Variants in WASHC2C observed in about 807,000 individuals in gnomAD.
WASHC2C encodes Vaccinia Penetration Factor.
WASHC2C carries 73 observed loss-of-function variants against 142.2 expected under a neutral mutation model. That is an observed-to-expected ratio of 0.51 (90% CI 0.43 to 0.62). WASHC2C has a LOEUF of 0.62. Among genes scored for constraint, WASHC2C ranks in the 20% least tolerant of loss-of-function variants. The probability of loss-of-function intolerance (pLI) is 0.00; values close to 1 mark genes in which losing one functional copy is unlikely to be tolerated. For missense variants in WASHC2C, 969 were observed against 1,531.7 expected (o/e 0.63, Z 6.13); for synonymous variants, 337 against 565.5 (o/e 0.60, Z 5.73).
At chr10:45,757,782 C>T (rs1412302199) in intron 16 of WASHC2C, among the ~76,000 whole-genome samples, 4 of 152,322 alleles carry the variant, frequency 2.6e-5, no homozygotes, top group South Asian at 4.1e-4. Context: ...TTCACAATAG[C>T]GTTTGCCTTC....
intron 3 of WASHC2C, among the ~76,000 whole-genome samples, chr10:45,731,668 C>T (rs140932956): frequency 0.049 from 7,481 of 151,768 alleles, 245 homozygotes; most frequent in African/African-American, 0.09. Context: ...CCAGACCTTC[C>T]ATAAGGCCAC....
At chr10:45,785,734 A>G in intron 26 of WASHC2C, 103 bp downstream of exon 26, 1 of 1,601,400 alleles carries the variant, frequency 6.2e-7, no homozygotes, top group Non-Finnish European at 8.5e-7. Flanking sequence ...TGCATTAAGG[A>G]GGAAACAGCA....
At chr10:45,728,501 G>T (rs1206438887) in intron 2 of WASHC2C, among the ~76,000 whole-genome samples, 1 of 152,002 alleles carries the variant, frequency 6.6e-6, no homozygotes, top group Non-Finnish European at 1.5e-5. Context: ...CACTTTGGGA[G>T]GCCGAGGTGG....
chr10:45,768,792 G>C (rs1204668190), intron 19 of WASHC2C, among the ~76,000 whole-genome samples: 5 of 151,896 alleles, frequency 3.3e-5, no homozygotes, highest in Admixed American at 3.3e-4. Context: ...GGAAGTTCTT[G>C]AGTTCTTGGT....
At chr10:45,759,753 A>C (rs1381266936) in intron 17 of WASHC2C, among the ~76,000 whole-genome samples, 1 of 151,940 alleles carries the variant, frequency 6.6e-6, no homozygotes, top group Non-Finnish European at 1.5e-5. Flanking sequence ...CGGGAGGCAG[A>C]AGTTGCAATG....
At chr10:45,789,550 C>T in intron 29 of WASHC2C, 59 bp downstream of exon 29, 1 of 1,597,406 alleles carries the variant, frequency 6.3e-7, no homozygotes, top group Non-Finnish European at 8.6e-7. Context: ...ATCTGATTGG[C>T]TTATTTGAGC....
rs181099344 is a variant in WASHC2C at position 45,730,343 on chromosome 10, G to A, written c.291+1317G>A. Among the ~76,000 whole-genome samples, 532 of 146,894 alleles carry A rather than the reference G, an allele frequency of 3.6e-3. 5 individuals carry two copies. In the East Asian group the frequency reaches 0.048, roughly 13 times the overall value. On this transcript the variant is annotated intron_variant, in intron 3 of 30. Transcript: ENST00000623400. The stretch of plus-strand genomic sequence containing the variant: ...GCCTGGGCAATAAGAGCGAAACTCC[G>A]TCTCAAAAAAAAAAAAAAGTATTCA...
chr10:45,748,384 G>A (rs1370142027), intron 8 of WASHC2C, among the ~76,000 whole-genome samples: 2 of 143,898 alleles, frequency 1.4e-5, no homozygotes, highest in African/African-American at 2.6e-5. Flanking sequence ...CCACCTCCTC[G>A]GTTCAAGTGA....
intron 16 of WASHC2C, among the ~76,000 whole-genome samples, chr10:45,758,768 C>A (rs1419228052): frequency 6.6e-6 from 1 of 150,618 alleles, no homozygotes; most frequent in Admixed American, 6.6e-5. Context: ...CCACCATGCC[C>A]GGCTAATTTT....
rs1407461615 is a variant in WASHC2C, at chr10:45,789,161, G to A, written c.3378G>A (p.Glu1126=). The A allele has an allele frequency of 1.2e-5, 19 of 1,611,944 alleles. No individual in the cohort carries two copies. The highest frequency in any genetic ancestry group is 4.0e-5 in the African/African-American group (3 of 74,856). ...AGTCTCTGGGTCATTCCAGAGGGGA[G>A]GCTGACCTTTTTGATTCTGGGGACA... ...FAKSLGHSRG[E]ADLFDSGDIF... Residue 1126 remains glutamate (E), a synonymous_variant, in exon 29 of 31, where the codon GAG becomes GAA. Coordinates refer to ENST00000623400, the MANE Select transcript of WASHC2C (RefSeq NM_001330074.2).
rs2135878956 is a variant in WASHC2C, at chr10:45,792,914, C to CG, written c.*514_*515insG. On this transcript the variant is annotated 3_prime_UTR_variant, in exon 31 of 31. Coordinates refer to ENST00000623400, the MANE Select transcript of WASHC2C (RefSeq NM_001330074.2). ...CAAGGCAAAGTTTGGCAAACTGTGG[C>CG]CCCCCCACTGTCATATTTTGTTAAT... is the stretch of plus-strand genomic sequence containing the variant. 2.2e-6 allele frequency: 1 copy of CG among 458,298 alleles called. No homozygotes were observed. Among genetic ancestry groups the CG allele is most frequent in the East Asian group, 7.2e-5 (1 of 13,890 alleles). 28.4% of individuals were successfully genotyped at this position (458,298 alleles called of 1,614,324 possible). A position where few individuals can be genotyped will look rare whatever the true frequency, so the allele number is the denominator to read the frequency against.
At chr10:45,784,297 T>C (rs1392054220) in intron 23 of WASHC2C, among the ~76,000 whole-genome samples, 36 of 54,752 alleles carry the variant, frequency 6.6e-4, no homozygotes, top group Admixed American at 1.7e-3. Flanking sequence ...TATACACATA[T>C]ATATATATAT....
At chr10:45,751,206 C>T (rs879961889) in intron 10 of WASHC2C, among the ~76,000 whole-genome samples, 1 of 151,588 alleles carries the variant, frequency 6.6e-6, no homozygotes, top group African/African-American at 2.4e-5. Flanking sequence ...CTAGTTATAA[C>T]AGGGTAGAAA....
At chr10:45,769,267 G>A (rs1160784742) in intron 19 of WASHC2C, among the ~76,000 whole-genome samples, 182 bp from the exon 20 acceptor site, 5 of 151,022 alleles carry the variant, frequency 3.3e-5, no homozygotes, top group East Asian at 2.0e-4. Flanking sequence ...ACAGGCTCCC[G>A]CCACCACGCC....
chr10:45,784,252 GTATATATATA>G (rs71225139), intron 23 of WASHC2C, among the ~76,000 whole-genome samples: 1,466 of 40,678 alleles, frequency 0.036, 66 homozygotes, highest in African/African-American at 0.1. Flanking sequence ...GTGTGTGTGT[GTATATATATA>G]TATATATATA....
chr10:45,753,830 T>G (rs575127369), intron 13 of WASHC2C, among the ~76,000 whole-genome samples: 2 of 151,990 alleles, frequency 1.3e-5, no homozygotes, highest in South Asian at 2.1e-4. Context: ...AATATGTTTT[T>G]TTTTTTTTTC....
At chr10:45,786,741 C>T (rs2058072453) in intron 27 of WASHC2C, 67 bp downstream of exon 27, 1 of 1,611,146 alleles carries the variant, frequency 6.2e-7, no homozygotes, top group Non-Finnish European at 8.5e-7. Flanking sequence ...GGGTTTCCTA[C>T]TCTTGTCAGC....
intron 18 of WASHC2C, among the ~76,000 whole-genome samples, chr10:45,763,777 T>A (rs2055428698): frequency 6.6e-6 from 1 of 151,748 alleles, no homozygotes; most frequent in South Asian, 2.1e-4. Flanking sequence ...AGTGATGCGA[T>A]CTTGGCTCAC....
chr10:45,758,606 CTTTTT>C (rs60416109), intron 16 of WASHC2C, among the ~76,000 whole-genome samples: 4 of 128,168 alleles, frequency 3.1e-5, no homozygotes, highest in Admixed American at 8.0e-5. Context: ...CATTCTTCTT[CTTTTT>C]TTTTTTTTTT....
Sources: gnomAD v4.1 joint callset for allele counts (sites outside exome capture counted in the v4.1 genomes callset) on GRCh38, gnomAD v4.1.1 for gene constraint, MANE v1.5 for transcripts, NCBI Gene and HGNC (gene_info 2026-07-23, HGNC 2026-07-21) for gene names.